ADAM32: variants seen among roughly 807,000 people sequenced by gnomAD.
ADAM32 encodes the protein disintegrin and metalloproteinase domain-containing protein 32.
Under a neutral mutation model 114.9 loss-of-function variants are expected in ADAM32, and 89 were observed. The ratio of observed to expected loss-of-function variants is 0.77; its 90% CI spans 0.65 to 0.92. The LOEUF is 0.92. Ranked by LOEUF, ADAM32 falls within the 40% of genes least tolerant of loss-of-function variation. ADAM32 has a pLI of 0.00. For missense variants in ADAM32, 870 were observed against 932.8 expected, an observed-to-expected ratio of 0.93 and a Z score of 0.88; for synonymous variants, 285 against 307.5, an observed-to-expected ratio of 0.93 and a Z score of 0.77.
At chr8:39,168,259 A>T (rs957686980) in intron 9 of ADAM32, 3 of 152,160 alleles carry the variant, frequency 2.0e-5, no homozygotes, top group African/African-American at 7.2e-5. Context: ...GAACTTCTAG[A>T]GCCCTTCATA....
intron 14 of ADAM32, among the ~76,000 whole-genome samples, chr8:39,225,564 GAA>G (rs1809304635): frequency 6.6e-6 from 1 of 152,140 alleles, no homozygotes; most frequent in Non-Finnish European, 1.5e-5. Context: ...CCTGGTGGGA[GAA>G]AAAGAGATTG....
chr8:39,174,695 G>GT (rs77543980), intron 10 of ADAM32, among the ~76,000 whole-genome samples: 34,214 of 136,174 alleles, frequency 0.25, 4,481 homozygotes, highest in Non-Finnish European at 0.29. Flanking sequence ...GAGTGTGATA[G>GT]TTTTTTTTTC....
chr8:39,116,875 TA>T (rs1303603218), intron 1 of ADAM32, among the ~76,000 whole-genome samples: 1 of 149,320 alleles, frequency 6.7e-6, no homozygotes, highest in Non-Finnish European at 1.5e-5. Flanking sequence ...TTGTGGCATT[TA>T]ATGATTATGG....
intron 3 of ADAM32, among the ~76,000 whole-genome samples, chr8:39,137,493 C>T (rs979195779): frequency 3.9e-5 from 6 of 152,020 alleles, no homozygotes; most frequent in Non-Finnish European, 7.4e-5. Context: ...AAGCTGGGCG[C>T]GGTGGCTTTC....
chr8:39,170,265 A>T (rs972840291), intron 10 of ADAM32, among the ~76,000 whole-genome samples: 1 of 152,158 alleles, frequency 6.6e-6, no homozygotes. Context: ...GTGAAAAATT[A>T]TCTGCAGTAA....
intron 11 of ADAM32, among the ~76,000 whole-genome samples, chr8:39,199,048 G>A (rs548538439): frequency 3.9e-5 from 6 of 152,006 alleles, no homozygotes; most frequent in African/African-American, 7.3e-5. Flanking sequence ...TTCTCTCCTG[G>A]CCTATAAGGT....
intron 12 of ADAM32, among the ~76,000 whole-genome samples, chr8:39,214,792 T>A (rs1027131480): frequency 6.6e-6 from 1 of 152,162 alleles, no homozygotes; most frequent in Non-Finnish European, 1.5e-5. Flanking sequence ...CTTTCTCTAA[T>A]GTTTTCTTGT....
intron 16 of ADAM32, among the ~76,000 whole-genome samples, chr8:39,243,074 T>A (rs979375207): frequency 3.3e-5 from 5 of 151,882 alleles, no homozygotes; most frequent in African/African-American, 1.2e-4. Flanking sequence ...CCCTCCTAAA[T>A]AAAATCAGGA....
chr8:39,133,128 G>A (rs1321561603), intron 2 of ADAM32, among the ~76,000 whole-genome samples: 1 of 152,072 alleles, frequency 6.6e-6, no homozygotes, highest in Non-Finnish European at 1.5e-5. Context: ...GTTGGAAGTG[G>A]GGCCTCATGG....
intron 20 of ADAM32, among the ~76,000 whole-genome samples, chr8:39,272,042 G>A (rs1037117174): frequency 7.2e-6 from 1 of 138,068 alleles, no homozygotes; most frequent in Admixed American, 7.7e-5. Flanking sequence ...TGAGGTGGGA[G>A]GATTCATTTA....
chr8:39,276,249 T>C (rs1813063519), intron 22 of ADAM32: 1 of 167,166 alleles, frequency 6.0e-6, no homozygotes, highest in Admixed American at 6.4e-5. Context: ...TGTATGCTGA[T>C]GAATAACTGA....
At chr8:39,137,732 C>T (rs1434176451) in intron 3 of ADAM32, among the ~76,000 whole-genome samples, 1 of 147,930 alleles carries the variant, frequency 6.8e-6, no homozygotes, top group Non-Finnish European at 1.5e-5. Flanking sequence ...GATGGTGCCA[C>T]TGCACGCCAG....
At chr8:39,170,054 T>C (rs1805093572) in intron 10 of ADAM32, 57 bp downstream of exon 10, 5 of 1,299,690 alleles carry the variant, frequency 3.8e-6, no homozygotes, top group Non-Finnish European at 5.4e-6. Context: ...TTATTTGACA[T>C]GATAGTATAT....
intron 16 of ADAM32, among the ~76,000 whole-genome samples, chr8:39,243,825 A>T (rs1187978426): frequency 6.6e-6 from 1 of 152,260 alleles, no homozygotes; most frequent in East Asian, 1.9e-4. Flanking sequence ...ATTCAAATTG[A>T]TGATGAGGAA....
intron 11 of ADAM32, among the ~76,000 whole-genome samples, chr8:39,192,537 T>G (rs1585502766): frequency 6.6e-6 from 1 of 152,318 alleles, no homozygotes; most frequent in African/African-American, 2.4e-5. Flanking sequence ...TAAATATGTG[T>G]GAATTTGATC....
chr8:39,231,173 T>G (rs559777995), intron 14 of ADAM32, among the ~76,000 whole-genome samples: 1 of 152,302 alleles, frequency 6.6e-6, no homozygotes, highest in East Asian at 1.9e-4. Flanking sequence ...TGAGTGCACC[T>G]GAACTAATCA....
chr8:39,247,447 T>C (rs912570105), intron 17 of ADAM32, among the ~76,000 whole-genome samples: 1 of 152,218 alleles, frequency 6.6e-6, no homozygotes, highest in African/African-American at 2.4e-5. Context: ...ATTTTACTGA[T>C]GACATATGTG....
intron 4 of ADAM32, among the ~76,000 whole-genome samples, chr8:39,148,164 A>C (rs1418967895): frequency 6.6e-6 from 1 of 152,114 alleles, no homozygotes; most frequent in East Asian, 1.9e-4. Flanking sequence ...ACCCTGCATG[A>C]ATGGCTTCCC....
chr8:39,133,956 A>T (rs1802622954), intron 2 of ADAM32, among the ~76,000 whole-genome samples: 2 of 152,110 alleles, frequency 1.3e-5, no homozygotes, highest in South Asian at 4.1e-4. Flanking sequence ...CCAGGCAGGT[A>T]GCTCTCAGGT....
Sources: gnomAD v4.1 joint callset for allele counts (sites outside exome capture counted in the v4.1 genomes callset) on GRCh38, gnomAD v4.1.1 for gene constraint, MANE v1.5 for transcripts, NCBI Gene and HGNC (gene_info 2026-07-23, HGNC 2026-07-21) for gene names.